The following NKAIN2 variants were observed in gnomAD, a reference collection of about 807,000 sequenced individuals.
NKAIN2 encodes the protein sodium/potassium-transporting ATPase subunit beta-1-interacting protein 2.
In NKAIN2, 14 loss-of-function variants were observed where a neutral mutation model predicts 32.6. The ratio of observed to expected loss-of-function variants is 0.43; its 90% confidence interval spans 0.28 to 0.67. The LOEUF (loss-of-function observed/expected upper bound fraction) is 0.67. Among genes scored for constraint, NKAIN2 ranks in the 30% least tolerant of loss-of-function variants. The pLI, the probability that NKAIN2 is intolerant of heterozygous loss-of-function variation, is 0.17. For synonymous variants in NKAIN2, 80 were observed against 87.2 expected, an observed-to-expected ratio of 0.92 and a Z score of 0.46; for missense variants, 198 against 258.3, an observed-to-expected ratio of 0.77 and a Z score of 1.60.
At chr6:124,583,566 G>C (rs1781601716) in intron 3 of NKAIN2, among the ~76,000 whole-genome samples, 1 of 152,132 alleles carries the variant, frequency 6.6e-6, no homozygotes, top group South Asian at 2.1e-4. Flanking sequence ...GAGTTTCAAT[G>C]TGATCCCTTT....
intron 1 of NKAIN2, among the ~76,000 whole-genome samples, chr6:123,854,165 A>G (rs1775467889): frequency 6.6e-6 from 1 of 152,224 alleles, no homozygotes. Flanking sequence ...TCAAAGATAT[A>G]TGGGAATCGG....
At chr6:123,883,263 G>C (rs1261058195) in intron 1 of NKAIN2, among the ~76,000 whole-genome samples, 1 of 151,990 alleles carries the variant, frequency 6.6e-6, no homozygotes, top group African/African-American at 2.4e-5. Context: ...TCCTGCCTCA[G>C]CCTCCCAAGT....
chr6:124,349,737 C>A (rs556030299), intron 2 of NKAIN2, among the ~76,000 whole-genome samples: 52 of 152,266 alleles, frequency 3.4e-4, no homozygotes, highest in Non-Finnish European at 6.5e-4. Context: ...TGTCTCTGAG[C>A]CTGACCAATA....
At chr6:124,109,861 G>C (rs1785293152) in intron 1 of NKAIN2, among the ~76,000 whole-genome samples, 1 of 151,978 alleles carries the variant, frequency 6.6e-6, no homozygotes, top group Admixed American at 6.6e-5. Context: ...AGATGATCCT[G>C]TGATTTTTAT....
chr6:124,226,379 T>C lies in NKAIN2; in HGVS notation c.55-56626T>C, dbSNP rs897500166. 3.9e-5 allele frequency among the ~76,000 whole-genome samples: 6 copies of C among 152,050 alleles called. No individual in the cohort carries two copies. The South Asian group carries it at 1.2e-3, about 31-fold the overall frequency. ...ATATTTTCAAGAAGCACAGTTTCTTTAAAACAAGCTTTTCCCCTGCTCGAG... is the reference window on the plus strand; with the variant it reads ...ATATTTTCAAGAAGCACAGTTTCTTCAAAACAAGCTTTTCCCCTGCTCGAG... On this transcript the variant is annotated intron_variant, in intron 1 of 6. Coordinates refer to ENST00000368417, the MANE Select transcript of NKAIN2 (RefSeq NM_001040214.3).
At chr6:123,824,195 C>T (rs552256711) in intron 1 of NKAIN2, among the ~76,000 whole-genome samples, 4 of 152,072 alleles carry the variant, frequency 2.6e-5, no homozygotes, top group Admixed American at 2.6e-4. Context: ...TGGAAGAGGC[C>T]CCTGAGGTTC....
At chr6:124,260,103 T>G (rs148274487) in intron 1 of NKAIN2, among the ~76,000 whole-genome samples, 1 of 152,322 alleles carries the variant, frequency 6.6e-6, no homozygotes, top group Non-Finnish European at 1.5e-5. Flanking sequence ...TTATAACAAT[T>G]TTATTATGTC....
At chr6:124,207,807 T>G (rs1197092527) in intron 1 of NKAIN2, among the ~76,000 whole-genome samples, 5 of 151,924 alleles carry the variant, frequency 3.3e-5, no homozygotes, top group African/African-American at 1.2e-4. Context: ...TCATTTGCTA[T>G]CAAGGCAAAA....
rs1045514989 is a variant in NKAIN2 at position 124,653,207 on chromosome 6, C to T, written c.274-4979C>T. Among the ~76,000 whole-genome samples the T allele has an allele frequency of 3.6e-4, 55 of 151,804 alleles. 1 individual carries two copies. The highest frequency in any genetic ancestry group is 1.1e-3 in the African/African-American group (44 of 41,430). On this transcript the variant is annotated intron_variant, in intron 3 of 6. Transcript: ENST00000368417. ...TAGACGAAACTATATTGAAGGAAAA[C>T]GATAAAATTTGAGGACCAATAACAC... is the stretch of plus-strand genomic sequence containing the variant.
rs114761339 is a variant in NKAIN2, at chr6:124,777,595, C to T, written c.475-13744C>T. Among the ~76,000 whole-genome samples, 190 of 152,256 alleles carry T rather than the reference C, an allele frequency of 1.2e-3. 1 individual carries two copies. The highest frequency in any genetic ancestry group is 4.5e-3 in the African/African-American group (185 of 41,556). On this transcript the variant is annotated intron_variant, in intron 4 of 6. Transcript: ENST00000368417. The stretch of plus-strand genomic sequence containing the variant: ...CTAATATTCTCATATTGAATATATT[C>T]ATCAGAGATGAGGAACAGCAAAGTC...
At chr6:124,667,515 T>C (rs1365351422) in intron 4 of NKAIN2, among the ~76,000 whole-genome samples, 1 of 152,116 alleles carries the variant, frequency 6.6e-6, no homozygotes, top group Non-Finnish European at 1.5e-5. Flanking sequence ...TTACAAGTTT[T>C]TGGCCTTGAA....
chr6:124,536,051 C>T (rs1333894145), intron 3 of NKAIN2, among the ~76,000 whole-genome samples: 2 of 152,192 alleles, frequency 1.3e-5, no homozygotes, highest in African/African-American at 4.8e-5. Flanking sequence ...TCCGTGGAGC[C>T]ACGCAGAAGA....
At chr6:124,068,404 T>A (rs938900253) in intron 1 of NKAIN2, among the ~76,000 whole-genome samples, 9 of 152,116 alleles carry the variant, frequency 5.9e-5, no homozygotes, top group African/African-American at 2.2e-4. Flanking sequence ...ATGACTTTTT[T>A]TTTTGAGACA....
Position 124,294,936 on chromosome 6 carries a change from T to C in NKAIN2, c.192+11794T>C, listed in dbSNP as rs375230124. On this transcript the variant is annotated intron_variant, in intron 2 of 6. Transcript: ENST00000368417. ...CTTTTAAAGATACCAGTTATGTTTA[T>C]GGAATTTTGTAAAAGAAATGTTTGG... Among the ~76,000 whole-genome samples the C allele has an allele frequency of 4.8e-4, 73 of 152,292 alleles. 2 individuals are homozygous for C. In the South Asian group the frequency reaches 0.015, roughly 31 times the overall value.
At position 124,095,425 on chromosome 6, in the gene NKAIN2, C is replaced by T. The variant is rs112653161; in HGVS notation, c.55-187580C>T. Among the ~76,000 whole-genome samples the T allele has an allele frequency of 9.5e-3, 1,438 of 152,160 alleles. 18 individuals are homozygous for T. The highest frequency in any genetic ancestry group is 0.033 in the African/African-American group (1,363 of 41,524). ...TTGTCACTTAAAATTTTGTGCATTA[C>T]GTACATGTATTTATTTTTAACTAAA... On this transcript the variant is annotated intron_variant, in intron 1 of 6. Coordinates refer to ENST00000368417, the MANE Select transcript of NKAIN2 (RefSeq NM_001040214.3).
chr6:124,491,503 T>C (rs73772145), intron 3 of NKAIN2, among the ~76,000 whole-genome samples: 4 of 151,984 alleles, frequency 2.6e-5, no homozygotes, highest in Admixed American at 2.6e-4. Context: ...TGTACCTTAT[T>C]TGGAATAAAA....
chr6:124,803,528 G>T (rs1399125802), intron 5 of NKAIN2, among the ~76,000 whole-genome samples: 1 of 152,204 alleles, frequency 6.6e-6, no homozygotes, highest in Non-Finnish European at 1.5e-5. Flanking sequence ...AAAAGGATTT[G>T]AAATATGGAA....
In NKAIN2 at chr6:124,676,115, C is replaced by CACT. The variant is rs961416591; in HGVS notation, c.474+17730_474+17732dup. Reference sequence around the variant, plus strand: ...GTTCGAGAATGTATTGCTTAATTCTCACTTATTCATGAATTCTCCTATGTT... The same window carrying CACT: ...GTTCGAGAATGTATTGCTTAATTCTCACTACTTATTCATGAATTCTCCTATGTT... On this transcript the variant is annotated intron_variant, in intron 4 of 6. Coordinates refer to ENST00000368417, the MANE Select transcript of NKAIN2 (RefSeq NM_001040214.3). Among the ~76,000 whole-genome samples, 6 of 152,214 alleles carry CACT rather than the reference C, an allele frequency of 3.9e-5. No homozygotes were observed. In the East Asian group the frequency reaches 1.2e-3, roughly 29 times the overall value.
At chr6:124,251,437 CATA>C (rs1793686819) in intron 1 of NKAIN2, among the ~76,000 whole-genome samples, 1 of 151,798 alleles carries the variant, frequency 6.6e-6, no homozygotes, top group Non-Finnish European at 1.5e-5. Context: ...ATTTCAACAA[CATA>C]ATGAGCACCA....
Sources: gnomAD v4.1 joint callset for allele counts (sites outside exome capture counted in the v4.1 genomes callset) on GRCh38, gnomAD v4.1.1 for gene constraint, MANE v1.5 for transcripts, NCBI Gene and HGNC (gene_info 2026-07-23, HGNC 2026-07-21) for gene names.